JAZF1: variants seen among roughly 807,000 people sequenced by gnomAD.
JAZF1 encodes juxtaposed with another zinc finger protein 1.
Under a neutral mutation model 26.4 loss-of-function variants are expected in JAZF1, and 8 were observed. That is an observed-to-expected ratio of 0.30 (90% CI 0.18 to 0.55). JAZF1 has a LOEUF of 0.55. Among genes scored for constraint, JAZF1 ranks in the 20% least tolerant of loss-of-function variants. JAZF1 has a pLI of 0.94. For synonymous variants in JAZF1, 126 were observed against 122.3 expected (o/e 1.03, Z -0.20); for missense variants, 199 against 322.0 (o/e 0.62, Z 2.92).
chr7:27,941,908 A>G (rs1784854281), intron 2 of JAZF1, among the ~76,000 whole-genome samples: 1 of 152,238 alleles, frequency 6.6e-6, no homozygotes, highest in African/African-American at 2.4e-5. Context: ...GGGAGGGGAC[A>G]GGCAAGGAAC....
intron 1 of JAZF1, among the ~76,000 whole-genome samples, chr7:28,166,104 C>A (rs1783363559): frequency 6.6e-6 from 1 of 150,378 alleles, no homozygotes; most frequent in Non-Finnish European, 1.5e-5. Context: ...CAAAAGAGGC[C>A]CTTGGTTACA....
chr7:27,967,537 T>C (rs1361020351), intron 2 of JAZF1, among the ~76,000 whole-genome samples: 1 of 152,190 alleles, frequency 6.6e-6, no homozygotes, highest in Non-Finnish European at 1.5e-5. Context: ...TTAAAAACTA[T>C]ATATTACTAA....
At chr7:27,962,225 T>C (rs906941337) in intron 2 of JAZF1, among the ~76,000 whole-genome samples, 3 of 152,186 alleles carry the variant, frequency 2.0e-5, no homozygotes, top group African/African-American at 4.8e-5. Context: ...GAAATACACA[T>C]AGGTAAGAAG....
chr7:28,141,809 C>T (rs551191243), intron 1 of JAZF1, among the ~76,000 whole-genome samples: 41 of 152,246 alleles, frequency 2.7e-4, no homozygotes, highest in South Asian at 2.5e-3. Context: ...CTAGTATCTT[C>T]ATCAGTATAC....
chr7:27,851,167 C>A (rs1361559386), intron 3 of JAZF1, among the ~76,000 whole-genome samples: 1 of 152,066 alleles, frequency 6.6e-6, no homozygotes, highest in Non-Finnish European at 1.5e-5. Context: ...GGTCTTGAAC[C>A]CCTAACCTTA....
chr7:27,976,564 C>T (rs1408809840), intron 2 of JAZF1, among the ~76,000 whole-genome samples: 2 of 151,936 alleles, frequency 1.3e-5, no homozygotes, highest in Non-Finnish European at 2.9e-5. Flanking sequence ...ATGTATCAGG[C>T]CACAAACTTC....
intron 2 of JAZF1, among the ~76,000 whole-genome samples, chr7:27,985,525 C>T (rs1475793022): frequency 6.6e-6 from 1 of 152,158 alleles, no homozygotes; most frequent in Non-Finnish European, 1.5e-5. Context: ...ACCAGAGGTA[C>T]AAAGAGGAGC....
intron 2 of JAZF1, among the ~76,000 whole-genome samples, chr7:27,922,856 C>A (rs969511215): frequency 2.6e-5 from 4 of 152,168 alleles, no homozygotes; most frequent in Non-Finnish European, 5.9e-5. Flanking sequence ...GTTCCTCACC[C>A]TGGCAGTAAA....
At chr7:27,963,061 C>G (rs1047265821) in intron 2 of JAZF1, among the ~76,000 whole-genome samples, 1 of 152,182 alleles carries the variant, frequency 6.6e-6, no homozygotes, top group Admixed American at 6.5e-5. Flanking sequence ...ATTAGGGAAT[C>G]TGAATTCCAA....
At chr7:28,150,380 C>T (rs1031923531) in intron 1 of JAZF1, among the ~76,000 whole-genome samples, 2 of 152,148 alleles carry the variant, frequency 1.3e-5, no homozygotes, top group African/African-American at 4.8e-5. Context: ...AAAAGTAATG[C>T]CCATGGAAGA....
chr7:27,960,334 T>A (rs2128357031), intron 2 of JAZF1, among the ~76,000 whole-genome samples: 1 of 152,374 alleles, frequency 6.6e-6, no homozygotes, highest in Middle Eastern at 3.4e-3. Context: ...ATTTTTAACC[T>A]GCATATCTTT....
intron 4 of JAZF1, among the ~76,000 whole-genome samples, chr7:27,837,016 T>G (rs1364380178): frequency 1.3e-5 from 2 of 152,184 alleles, no homozygotes; most frequent in African/African-American, 2.4e-5. Context: ...GAGCACTCCC[T>G]CATCATTAAA....
At chr7:28,005,789 C>A (rs908984983) in intron 1 of JAZF1, among the ~76,000 whole-genome samples, 15 of 151,646 alleles carry the variant, frequency 9.9e-5, no homozygotes, top group African/African-American at 3.6e-4. Flanking sequence ...GTCCCTGGAC[C>A]TTCTCAGTTA....
intron 1 of JAZF1, among the ~76,000 whole-genome samples, chr7:28,119,333 G>A (rs1250717218): frequency 6.6e-6 from 1 of 152,048 alleles, no homozygotes; most frequent in Admixed American, 6.6e-5. Flanking sequence ...AATACCCGCT[G>A]CCCCTCCCCT....
At chr7:27,849,716 C>A in intron 3 of JAZF1, among the ~76,000 whole-genome samples, 1 of 137,966 alleles carries the variant, frequency 7.2e-6, no homozygotes, top group Non-Finnish European at 1.6e-5. Context: ...AAATCACTGT[C>A]AGTTTCATGA....
At chr7:27,866,784 T>A (rs949214075) in intron 3 of JAZF1, among the ~76,000 whole-genome samples, 6 of 152,242 alleles carry the variant, frequency 3.9e-5, no homozygotes, top group Admixed American at 3.3e-4. Flanking sequence ...AGAAACATAA[T>A]GTGCTGATTT....
chr7:27,963,727 T>G (rs1386198041), intron 2 of JAZF1, among the ~76,000 whole-genome samples: 1 of 772 alleles, frequency 1.3e-3, no homozygotes, highest in Non-Finnish European at 1.8e-3. Flanking sequence ...ACACCGGTTT[T>G]GTTTTGTTTT....
intron 3 of JAZF1, among the ~76,000 whole-genome samples, chr7:27,865,180 G>A (rs930819673): frequency 4.6e-5 from 7 of 152,080 alleles, no homozygotes; most frequent in African/African-American, 1.4e-4. Context: ...GACCAGCCTG[G>A]GCAACATGGT....
intron 1 of JAZF1, among the ~76,000 whole-genome samples, chr7:28,172,764 T>G (rs967385596): frequency 1.3e-5 from 2 of 152,170 alleles, no homozygotes; most frequent in African/African-American, 4.8e-5. Flanking sequence ...GGACCCCAGG[T>G]AAGCTGGCAC....
Sources: allele counts gnomAD v4.1 joint callset (sites outside exome capture counted in the v4.1 genomes callset), GRCh38; gene constraint gnomAD v4.1.1; transcripts MANE v1.5; gene names NCBI Gene and HGNC (gene_info 2026-07-23, HGNC 2026-07-21).